AUTS2: variants seen among roughly 807,000 people sequenced by gnomAD.
AUTS2 encodes the protein autism susceptibility gene 2 protein.
Under a neutral mutation model 112.4 loss-of-function variants are expected in AUTS2, and 17 were observed. The ratio of observed to expected loss-of-function variants is 0.15; its 90% CI spans 0.10 to 0.23. The LOEUF (loss-of-function observed/expected upper bound fraction) is 0.23. AUTS2 is among the 10% of genes least tolerant of loss of function. The pLI is 1.00. For synonymous variants in AUTS2, 751 were observed against 702.7 expected (o/e 1.07, Z -1.09); for missense variants, 1,510 against 1,701.6 (o/e 0.89, Z 1.98).
At chr7:70,773,683 A>C (rs1224720316) in intron 11 of AUTS2, among the ~76,000 whole-genome samples, 3 of 152,222 alleles carry the variant, frequency 2.0e-5, no homozygotes. Context: ...GTGATTAAGC[A>C]AAAAAACAGT....
chr7:70,676,770 A>G (rs2866686), intron 5 of AUTS2, among the ~76,000 whole-genome samples: 70,570 of 151,780 alleles, frequency 0.46, 18,108 homozygotes, highest in African/African-American at 0.7. Context: ...CTAGCTACTC[A>G]GGAGGCTGAG....
intron 4 of AUTS2, among the ~76,000 whole-genome samples, chr7:70,177,941 G>C (rs1735797024): frequency 1.3e-5 from 2 of 148,936 alleles, no homozygotes; most frequent in Admixed American, 6.7e-5. Flanking sequence ...TTTTGAGGTG[G>C]AGTCTTGCGC....
intron 4 of AUTS2, among the ~76,000 whole-genome samples, chr7:70,250,915 C>G (rs1381068928): frequency 6.6e-6 from 1 of 152,108 alleles, no homozygotes; most frequent in Non-Finnish European, 1.5e-5. Context: ...AGGTACTATG[C>G]TTATTACCCA....
intron 1 of AUTS2, among the ~76,000 whole-genome samples, chr7:69,787,734 T>A (rs1789440079): frequency 6.6e-6 from 1 of 152,114 alleles, no homozygotes; most frequent in African/African-American, 2.4e-5. Context: ...GAAGCCTCTA[T>A]TTTAGTTTCC....
At chr7:69,706,299 G>T (rs747413865) in intron 1 of AUTS2, among the ~76,000 whole-genome samples, 1 of 152,210 alleles carries the variant, frequency 6.6e-6, no homozygotes, top group Non-Finnish European at 1.5e-5. Context: ...TTCTGTGCTG[G>T]TTTCCTGGAC....
chr7:70,786,115 T>C, intron 17 of AUTS2, 77 bp downstream of exon 17: 1 of 1,295,936 alleles, frequency 7.7e-7, no homozygotes, highest in South Asian at 1.2e-5. Context: ...AAGACCTTTC[T>C]AGAGAAAAGG....
chr7:70,763,033 C>T lies in AUTS2; in HGVS notation c.906C>T (p.Val302=), dbSNP rs762436605. The change falls in exon 7 of 19, where the codon GTC becomes GTT. Residue 302 remains valine, a synonymous_variant. Coordinates refer to ENST00000342771, the MANE Select transcript of AUTS2 (RefSeq NM_015570.4). ...PVVLKDPCPQ[V]AQPIPQPQTE... ...TGCTTAAAGACCCCTGCCCTCAGGT[C>T]GCACAGCCAATACCCCAGCCGCAGA... is the stretch of plus-strand genomic sequence containing the variant. The T allele has an allele frequency of 6.2e-6, 10 of 1,613,984 alleles. No individual in the cohort carries two copies. Among genetic ancestry groups the T allele is most frequent in the African/African-American group, 1.3e-5 (1 of 74,906 alleles).
chr7:69,656,246 G>A (rs143252586), intron 1 of AUTS2, among the ~76,000 whole-genome samples: 134 of 152,268 alleles, frequency 8.8e-4, no homozygotes, highest in African/African-American at 3.0e-3. Flanking sequence ...GAATCTTGAC[G>A]CAGCTGACCC....
intron 4 of AUTS2, among the ~76,000 whole-genome samples, chr7:70,318,490 T>G (rs73173517): frequency 8.6e-4 from 131 of 151,960 alleles, no homozygotes; most frequent in Non-Finnish European, 1.6e-3. Context: ...CCTAACAGTT[T>G]TAAAACGATG....
At chr7:69,688,561 T>C (rs1052694824) in intron 1 of AUTS2, among the ~76,000 whole-genome samples, 50 of 152,222 alleles carry the variant, frequency 3.3e-4, no homozygotes, top group South Asian at 4.1e-4. Flanking sequence ...ATACATACAA[T>C]GTATAGTGAT....
Position 69,793,526 on chromosome 7 carries a change from G to A in AUTS2, c.310-105760G>A, listed in dbSNP as rs186689827. ...GTGTCTTTGAACAAGTGAAATTAAA[G>A]TGCTATAGGAATGTCTGGGTGGGAA... On this transcript the variant is annotated intron_variant, in intron 1 of 18. Coordinates refer to ENST00000342771, the MANE Select transcript of AUTS2 (RefSeq NM_015570.4). Among the ~76,000 whole-genome samples, 753 of 152,264 alleles carry A rather than the reference G, an allele frequency of 4.9e-3. 11 individuals are homozygous for A. Among genetic ancestry groups the A allele is most frequent in the African/African-American group, 0.017 (698 of 41,532 alleles).
At chr7:70,541,945 C>T (rs1800569733) in intron 5 of AUTS2, among the ~76,000 whole-genome samples, 1 of 152,224 alleles carries the variant, frequency 6.6e-6, no homozygotes, top group South Asian at 2.1e-4. Flanking sequence ...GCTCCTGATC[C>T]TCATCAGTGG....
chr7:70,459,014 T>C (rs1235693778), intron 5 of AUTS2, among the ~76,000 whole-genome samples: 3 of 152,156 alleles, frequency 2.0e-5, no homozygotes, highest in Non-Finnish European at 4.4e-5. Context: ...AGTCCACACA[T>C]AGGATGGCTC....
chr7:69,702,926 C>A (rs898587154), intron 1 of AUTS2, among the ~76,000 whole-genome samples: 24 of 152,234 alleles, frequency 1.6e-4, no homozygotes, highest in African/African-American at 5.3e-4. Flanking sequence ...CAGCACAAAG[C>A]CAACTCTCAC....
chr7:69,961,304 TCTCTGATAAGTTCTG>T (rs1421299255), intron 2 of AUTS2, among the ~76,000 whole-genome samples: 9 of 152,126 alleles, frequency 5.9e-5, no homozygotes, highest in African/African-American at 2.2e-4. Context: ...ACTCCCTCTA[TCTCTGATAAGTTCTG>T]AAGTCTAAGG....
chr7:70,106,896 A>T (rs1804793812), intron 2 of AUTS2, among the ~76,000 whole-genome samples: 1 of 152,180 alleles, frequency 6.6e-6, no homozygotes, highest in Non-Finnish European at 1.5e-5. Context: ...CTTTAACAAC[A>T]TAAGAAAAGG....
intron 1 of AUTS2, among the ~76,000 whole-genome samples, chr7:69,811,637 C>T (rs1790546684): frequency 6.6e-6 from 1 of 152,086 alleles, no homozygotes; most frequent in Admixed American, 6.5e-5. Context: ...CTTTGCTGTA[C>T]CTGCAATAAG....
intron 2 of AUTS2, among the ~76,000 whole-genome samples, chr7:69,925,153 C>T (rs958255080): frequency 5.3e-5 from 8 of 152,182 alleles, no homozygotes; most frequent in South Asian, 2.1e-4. Flanking sequence ...CTTTCCTCCC[C>T]TCTTCTCTCT....
intron 4 of AUTS2, among the ~76,000 whole-genome samples, chr7:70,150,847 A>G (rs1418582013): frequency 6.6e-6 from 1 of 152,252 alleles, no homozygotes; most frequent in Non-Finnish European, 1.5e-5. Context: ...TTGGGCTTTC[A>G]GTAAAGAATA....
Sources: allele counts gnomAD v4.1 joint callset (sites outside exome capture counted in the v4.1 genomes callset), GRCh38; gene constraint gnomAD v4.1.1; transcripts MANE v1.5; gene names NCBI Gene and HGNC (gene_info 2026-07-23, HGNC 2026-07-21).